NSD1: variants seen among roughly 807,000 people sequenced by gnomAD.
NSD1 encodes nuclear receptor binding SET domain protein 1, also known as histone-lysine N-methyltransferase, H3 lysine-36 specific.
NSD1 carries 26 observed loss-of-function variants against 242.7 expected under a neutral mutation model. The observed-to-expected ratio is 0.11, with a 90% CI of 0.08 to 0.15. The LOEUF is 0.15. Among genes scored for constraint, NSD1 ranks in the 10% least tolerant of loss-of-function variants. NSD1 has a pLI of 1.00. For synonymous variants in NSD1, 1,106 were observed against 1,178.1 expected (o/e 0.94, Z 1.25); for missense variants, 2,495 against 3,272.8 (o/e 0.76, Z 5.80).
chr5:177,237,490 T>TA (rs367868794), intron 6 of NSD1, among the ~76,000 whole-genome samples: 2 of 134,716 alleles, frequency 1.5e-5, no homozygotes, highest in Admixed American at 7.4e-5. Context: ...TAATTTTGGT[T>TA]AAAAAAATAT....
At chr5:177,282,376 A>G (rs1362669260) in intron 18 of NSD1, 89 bp from the exon 19 acceptor site, 1 of 832,316 alleles carries the variant, frequency 1.2e-6, no homozygotes, top group Non-Finnish European at 2.1e-6. Context: ...GTAGAATGTG[A>G]TGTTTTCATT....
In NSD1 at chr5:177,295,032, C is replaced by T. The variant is rs1170507343; in HGVS notation, c.7664C>T (p.Ala2555Val). The change falls in exon 23 of 23, where the codon GCC becomes GTC. Residue 2555 changes from alanine to valine, a missense_variant. Physicochemically the swap from Ala to Val is moderately conservative, Grantham distance 64 (BLOSUM62 0). Coordinates refer to ENST00000439151, the MANE Select transcript of NSD1 (RefSeq NM_022455.5). This position sits in a 1 kb window ranked among gnomAD's most constrained non-coding sequence, Gnocchi z 4.3. ...KAFLYEPTTQ[A>V]SGRASAGAEQ... ...TTTTTATATGAGCCAACAACTCAGGCCTCAGGAAGAGCTTCTGCAGGGGCT... is the reference window on the plus strand; with the variant it reads ...TTTTTATATGAGCCAACAACTCAGGTCTCAGGAAGAGCTTCTGCAGGGGCT... 1 of 1,614,184 alleles carries T rather than the reference C, an allele frequency of 6.2e-7. No individual in the cohort carries two copies. The highest frequency in any genetic ancestry group is 8.5e-7 in the Non-Finnish European group (1 of 1,179,994).
At chr5:177,246,116 A>G (rs1267528341) in intron 9 of NSD1, among the ~76,000 whole-genome samples, 2 of 151,838 alleles carry the variant, frequency 1.3e-5, no homozygotes, top group African/African-American at 4.8e-5. Flanking sequence ...GATTACAGGC[A>G]TGCACCACCA....
At chr5:177,173,457 A>G (rs1759895813) in intron 2 of NSD1, among the ~76,000 whole-genome samples, 1 of 136,056 alleles carries the variant, frequency 7.3e-6, no homozygotes, top group South Asian at 2.3e-4. Flanking sequence ...TAAAATATTT[A>G]CTATCTGGCT....
In NSD1 at chr5:177,238,948, C is replaced by T. The variant is rs187670828; in HGVS notation, c.4192+441C>T. On this transcript the variant is annotated intron_variant, in intron 7 of 22. Coordinates refer to ENST00000439151, the MANE Select transcript of NSD1 (RefSeq NM_022455.5). This position sits in a 1 kb window ranked among gnomAD's most constrained non-coding sequence, Gnocchi z 4.6. ...ATGTATTAATGTGTAATGTTATATACCTGACAACATAGTAATTACCAGTTC... is the reference window on the plus strand; with the variant it reads ...ATGTATTAATGTGTAATGTTATATATCTGACAACATAGTAATTACCAGTTC... Among the ~76,000 whole-genome samples the T allele has an allele frequency of 4.7e-4, 71 of 152,284 alleles. No homozygotes were observed. The highest frequency in any genetic ancestry group is 1.6e-3 in the African/African-American group (67 of 41,562).
intron 5 of NSD1, among the ~76,000 whole-genome samples, chr5:177,230,550 G>C (rs1278613803): frequency 6.6e-6 from 1 of 152,034 alleles, no homozygotes; most frequent in Non-Finnish European, 1.5e-5. Context: ...ACGTGGCCAG[G>C]CGTGGTGGCT....
rs554321384 is a variant in NSD1, at chr5:177,201,746, A to T, written c.1064-2374A>T. ...GCTACTTTTTGTATTTTTAGTAGAG[A>T]CAGGGCTTTACCATGTTGGCCAGGT... On this transcript the variant is annotated intron_variant, in intron 3 of 22. Coordinates refer to ENST00000439151, the MANE Select transcript of NSD1 (RefSeq NM_022455.5). 8.6e-5 allele frequency among the ~76,000 whole-genome samples: 13 copies of T among 151,566 alleles called. No individual in the cohort carries two copies. The South Asian group carries it at 2.5e-3, about 29-fold the overall frequency.
chr5:177,219,440 C>G (rs958575960), intron 5 of NSD1, among the ~76,000 whole-genome samples: 3 of 152,146 alleles, frequency 2.0e-5, no homozygotes, highest in African/African-American at 7.2e-5. Flanking sequence ...CTGTCTCCGC[C>G]TCCCAAAGTG....
rs1432379614 is a variant in NSD1 at position 177,190,340 on chromosome 5, C to T, written c.928-1544C>T. On this transcript the variant is annotated intron_variant, in intron 2 of 22. Coordinates refer to ENST00000439151, the MANE Select transcript of NSD1 (RefSeq NM_022455.5). The stretch of plus-strand genomic sequence containing the variant: ...TGTTGCCCAGGCCGGCGTGCAGTGG[C>T]GCAATCTTGGCTCACTGCAACCTCT... Among the ~76,000 whole-genome samples, 7 of 152,268 alleles carry T rather than the reference C, an allele frequency of 4.6e-5. No individual in the cohort carries two copies. The East Asian group carries it at 1.2e-3, about 25-fold the overall frequency.
At chr5:177,146,953 G>A (rs1757297800) in intron 2 of NSD1, among the ~76,000 whole-genome samples, 1 of 151,212 alleles carries the variant, frequency 6.6e-6, no homozygotes, top group Non-Finnish European at 1.5e-5. Flanking sequence ...GTTGCAGTGA[G>A]CTGAGATCGC....
rs770203181 is a variant in NSD1 at position 177,294,049 on chromosome 5, G to A, written c.6681G>A (p.Pro2227=). 19 of 1,613,822 alleles carry A rather than the reference G, an allele frequency of 1.2e-5. No individual in the cohort carries two copies. Among genetic ancestry groups the A allele is most frequent in the Middle Eastern group, 1.6e-4 (1 of 6,084 alleles). ...GTGAGTATGTGCCTCCCCCAGTACC[G>A]CTGCCTCCAGGGCCAAGCACTCACC... ...EIREYVPPPV[P]LPPGPSTHLA... Residue 2227 remains proline, a synonymous_variant, in exon 23 of 23, where the codon CCG becomes CCA. Coordinates refer to ENST00000439151, the MANE Select transcript of NSD1 (RefSeq NM_022455.5).
chr5:177,286,335 A>G (rs77987190), intron 20 of NSD1, among the ~76,000 whole-genome samples: 1,831 of 152,324 alleles, frequency 0.012, 19 homozygotes, highest in Non-Finnish European at 0.019. Context: ...ATAATGTTTT[A>G]CATGATGACA....
chr5:177,149,971 C>G (rs1757569139), intron 2 of NSD1, among the ~76,000 whole-genome samples: 1 of 152,068 alleles, frequency 6.6e-6, no homozygotes, highest in Non-Finnish European at 1.5e-5. Flanking sequence ...CAGTCTTACT[C>G]TGTCACCCAG....
chr5:177,189,374 T>A (rs1016497383), intron 2 of NSD1, among the ~76,000 whole-genome samples: 3 of 152,218 alleles, frequency 2.0e-5, no homozygotes, highest in African/African-American at 7.2e-5. Context: ...CTCCTCTGTC[T>A]ATTGAATGCA....
At chr5:177,187,199 G>C (rs778915678) in intron 2 of NSD1, among the ~76,000 whole-genome samples, 1 of 150,274 alleles carries the variant, frequency 6.7e-6, no homozygotes, top group Non-Finnish European at 1.5e-5. Context: ...CCGCCTCCCA[G>C]GTTCAAGCGA....
chr5:177,149,469 C>T (rs954755094), intron 2 of NSD1, among the ~76,000 whole-genome samples: 7 of 152,114 alleles, frequency 4.6e-5, no homozygotes, highest in Non-Finnish European at 1.0e-4. Flanking sequence ...AGCTGCCCAC[C>T]TCGGCCTCCC....
rs1342105953 is a variant in NSD1, at chr5:177,135,345, T to C, written c.242T>C (p.Met81Thr). 2.5e-6 allele frequency: 4 copies of C among 1,611,606 alleles called. No individual in the cohort carries two copies. Among genetic ancestry groups the C allele is most frequent in the Non-Finnish European group, 3.4e-6 (4 of 1,177,788 alleles). ...CGGAGACTACAGGATTTGGCCTCCA[T>C]GATCAATGTAGAGTATTTAAATGGG... ...PLRRLQDLASMINVEYLNGSA... is the reference protein window; with the variant it reads ...PLRRLQDLASTINVEYLNGSA... Residue 81 changes from methionine to threonine, a missense_variant, in exon 2 of 23, where the codon ATG becomes ACG. Physicochemically the swap from Met to Thr is moderately conservative, Grantham distance 81. Transcript: ENST00000439151.
chr5:177,186,927 A>G (rs1761281709), intron 2 of NSD1, among the ~76,000 whole-genome samples: 1 of 151,980 alleles, frequency 6.6e-6, no homozygotes. Flanking sequence ...GTCTCAAAAA[A>G]CAAACCAACA....
intron 14 of NSD1, chr5:177,265,523 T>G: frequency 1.3e-6 from 1 of 754,806 alleles, no homozygotes; most frequent in East Asian, 2.6e-5. Context: ...CACAACCGTC[T>G]AGGAATGCTC....
Sources: allele counts gnomAD v4.1 joint callset (sites outside exome capture counted in the v4.1 genomes callset), GRCh38; gene constraint gnomAD v4.1.1; non-coding constraint Gnocchi (gnomAD v3.1); transcripts MANE v1.5; gene names NCBI Gene and HGNC (gene_info 2026-07-23, HGNC 2026-07-21).